GTPBP10: variants seen among roughly 807,000 people sequenced by gnomAD.
GTPBP10 encodes GTP-binding protein 10.
A neutral mutation model predicts 44.8 loss-of-function variants in GTPBP10; 38 were observed. That is an observed-to-expected ratio of 0.85 (90% CI 0.65 to 1.11). The LOEUF (loss-of-function observed/expected upper bound fraction) is 1.11, where lower values mean the gene tolerates loss of function less well. Ranked by LOEUF, GTPBP10 falls within the 50% of genes most tolerant of loss-of-function variation. The pLI, the probability that GTPBP10 is intolerant of heterozygous loss-of-function variation, is 0.00. For missense variants in GTPBP10, 462 were observed against 453.7 expected (o/e 1.02, Z -0.17); for synonymous variants, 152 against 150.6 (o/e 1.01, Z -0.07).
intron 5 of GTPBP10, 52 bp from the exon 6 acceptor site, chr7:90,374,250 A>T: frequency 8.3e-7 from 1 of 1,199,314 alleles, no homozygotes; most frequent in Non-Finnish European, 1.2e-6. Context: ...TTTTGAGAGT[A>T]CCAGCCCTAA....
rs1796507015 is a variant in GTPBP10, at chr7:90,385,398, C to T, written c.*244C>T. Reference sequence around the variant, plus strand: ...ATATTGGTCAAAATTTACAAAATTTCAGTTAGACAAGGCAACTGAGTTCAA... The same window carrying T: ...ATATTGGTCAAAATTTACAAAATTTTAGTTAGACAAGGCAACTGAGTTCAA... On this transcript the variant is annotated 3_prime_UTR_variant, in exon 10 of 10. Coordinates refer to ENST00000222511, the MANE Select transcript of GTPBP10 (RefSeq NM_033107.4). The T allele has an allele frequency of 3.2e-6, 1 of 310,850 alleles. No individual in the cohort carries two copies. The highest frequency in any genetic ancestry group is 2.2e-5 in the African/African-American group (1 of 46,218). The allele number at this position is 310,850 out of a possible 1,614,324, so 19.3% of individuals were successfully genotyped here.
intron 4 of GTPBP10, among the ~76,000 whole-genome samples, chr7:90,370,565 G>A (rs1393658171): frequency 1.3e-5 from 2 of 151,864 alleles, no homozygotes; most frequent in Non-Finnish European, 2.9e-5. Flanking sequence ...GGATGGGGAG[G>A]GATGAAAAAC....
chr7:90,350,538 T>C (rs185460695), intron 1 of GTPBP10, among the ~76,000 whole-genome samples: 1 of 152,358 alleles, frequency 6.6e-6, no homozygotes, highest in Admixed American at 6.5e-5. Context: ...TGGCAATTAA[T>C]TCTTTAGCTT....
chr7:90,373,147 A>C (rs2115730328), intron 5 of GTPBP10, among the ~76,000 whole-genome samples: 1 of 152,266 alleles, frequency 6.6e-6, no homozygotes, highest in Non-Finnish European at 1.5e-5. Flanking sequence ...GAGAACATGA[A>C]ATAAGGGAAA....
At chr7:90,377,245 A>G (rs1584645285) in intron 6 of GTPBP10, among the ~76,000 whole-genome samples, 1 of 152,294 alleles carries the variant, frequency 6.6e-6, no homozygotes, top group East Asian at 1.9e-4. Flanking sequence ...TAATAAATAA[A>G]TAAACAAATG....
intron 4 of GTPBP10, among the ~76,000 whole-genome samples, chr7:90,367,103 G>A (rs919650719): frequency 3.9e-5 from 6 of 152,148 alleles, no homozygotes; most frequent in Non-Finnish European, 7.4e-5. Flanking sequence ...GGTTTTGAGC[G>A]AGTTTCTTAA....
At chr7:90,355,295 TG>T in intron 4 of GTPBP10, 65 bp downstream of exon 4, 1 of 1,070,672 alleles carries the variant, frequency 9.3e-7, no homozygotes, top group Non-Finnish European at 1.3e-6. Context: ...AGAAAATAAA[TG>T]TAAATGGTAA....
chr7:90,356,550 G>A (rs1187101221), intron 4 of GTPBP10, among the ~76,000 whole-genome samples: 1 of 152,150 alleles, frequency 6.6e-6, no homozygotes, highest in East Asian at 1.9e-4. Flanking sequence ...AGACTATTTA[G>A]GTTAGGATCT....
At chr7:90,365,533 G>A (rs370325065) in intron 4 of GTPBP10, among the ~76,000 whole-genome samples, 8 of 151,036 alleles carry the variant, frequency 5.3e-5, no homozygotes, top group Non-Finnish European at 1.0e-4. Flanking sequence ...CCGCCACTAC[G>A]CCCGGCTAAT....
intron 4 of GTPBP10, among the ~76,000 whole-genome samples, chr7:90,359,711 C>T (rs373520068): frequency 6.6e-5 from 10 of 152,158 alleles, no homozygotes; most frequent in South Asian, 2.1e-4. Context: ...CTTGAGGAAT[C>T]GCCACGCTGT....
intron 1 of GTPBP10, among the ~76,000 whole-genome samples, chr7:90,348,748 A>G (rs1795732620): frequency 6.6e-6 from 1 of 152,076 alleles, no homozygotes; most frequent in Non-Finnish European, 1.5e-5. Flanking sequence ...CCCCAAAAAA[A>G]TGTTTCTATA....
chr7:90,379,654 A>G lies in GTPBP10; in HGVS notation c.777+1443A>G, dbSNP rs117106191. ...TTTGTATGCAGGTTTTTGTATAGAC[A>G]TGTTTTCATTTCTCTTGGATGTATA... On this transcript the variant is annotated intron_variant, in intron 8 of 9. Coordinates refer to ENST00000222511, the MANE Select transcript of GTPBP10 (RefSeq NM_033107.4). Among the ~76,000 whole-genome samples the G allele has an allele frequency of 2.5e-3, 382 of 152,346 alleles. 1 individual carries two copies. The highest frequency in any genetic ancestry group is 0.021 in the East Asian group (110 of 5,192).
intron 4 of GTPBP10, among the ~76,000 whole-genome samples, chr7:90,359,690 A>C (rs932979215): frequency 6.6e-6 from 1 of 152,156 alleles, no homozygotes; most frequent in Admixed American, 6.6e-5. Flanking sequence ...TGGTATTTCT[A>C]GTTCTAGATC....
chr7:90,352,656 C>G (rs531886220), intron 1 of GTPBP10, among the ~76,000 whole-genome samples, 160 bp from the exon 2 acceptor site: 1 of 152,030 alleles, frequency 6.6e-6, no homozygotes, highest in Non-Finnish European at 1.5e-5. Context: ...GGGGTCAGAT[C>G]GGAGATGTGG....
intron 6 of GTPBP10, 132 bp downstream of exon 6, chr7:90,374,486 T>C (rs1234339792): frequency 9.9e-6 from 6 of 607,654 alleles, no homozygotes; most frequent in African/African-American, 1.9e-5. Context: ...TTGTTTATGC[T>C]AAGTGAAACT....
intron 4 of GTPBP10, chr7:90,371,205 TTAACAG>T (rs1439908649): frequency 1.0e-6 from 1 of 974,758 alleles, no homozygotes; most frequent in Non-Finnish European, 1.2e-6. Context: ...GAGATGACTA[TTAACAG>T]TGTCTGTCTA....
In GTPBP10 at chr7:90,346,768, C is replaced by G. The variant is rs17865972; in HGVS notation, c.27C>G (p.Phe9Leu). The G allele has an allele frequency of 6.2e-7, 1 of 1,614,206 alleles. No individual in the cohort carries two copies. Among genetic ancestry groups the G allele is most frequent in the Non-Finnish European group, 8.5e-7 (1 of 1,180,028 alleles). Residue 9 changes from phenylalanine (F) to leucine (L), a missense_variant, in exon 1 of 10, where the codon TTC (phenylalanine) becomes TTG (leucine). Physicochemically the swap from Phe to Leu is conservative, Grantham distance 22 (BLOSUM62 0). Coordinates refer to ENST00000222511, the MANE Select transcript of GTPBP10 (RefSeq NM_033107.4). The part of the protein sequence containing the change: MVHCSCVL[F>L]RKYGNFIDKL... ...TGGTGCATTGCAGTTGCGTGTTGTT[C>G]AGAAAGGTCCGTGCGGGTCCCCTCA...
chr7:90,385,423 A>G lies in GTPBP10; in HGVS notation c.*269A>G, dbSNP rs1216029425. On this transcript the variant is annotated 3_prime_UTR_variant, in exon 10 of 10. Coordinates refer to ENST00000222511, the MANE Select transcript of GTPBP10 (RefSeq NM_033107.4). The stretch of plus-strand genomic sequence containing the variant: ...CAGTTAGACAAGGCAACTGAGTTCA[A>G]GAGATCTGTTGTACAGCTTGGTGAC... The G allele has an allele frequency of 7.1e-6, 2 of 282,194 alleles. No homozygotes were observed. Among genetic ancestry groups the G allele is most frequent in the African/African-American group, 2.2e-5 (1 of 45,340 alleles). The allele number at this position is 282,194 out of a possible 1,614,324, so 17.5% of individuals were successfully genotyped here.
intron 8 of GTPBP10, among the ~76,000 whole-genome samples, chr7:90,378,795 C>T (rs182001564): frequency 9.9e-5 from 15 of 152,086 alleles, no homozygotes; most frequent in Admixed American, 4.6e-4. Context: ...CTCTGTCTCC[C>T]GGGCTCAAGT....
Sources: allele counts gnomAD v4.1 joint callset (sites outside exome capture counted in the v4.1 genomes callset), GRCh38; gene constraint gnomAD v4.1.1; transcripts MANE v1.5; gene names NCBI Gene and HGNC (gene_info 2026-07-23, HGNC 2026-07-21).